Variants in KCNJ3 observed in about 807,000 individuals in gnomAD.
KCNJ3 encodes G protein-activated inward rectifier potassium channel 1.
KCNJ3 carries 4 observed loss-of-function variants against 39.2 expected under a neutral mutation model. The ratio of observed to expected loss-of-function variants is 0.10; its 90% confidence interval spans 0.05 to 0.23. The LOEUF is 0.23. KCNJ3 is among the 10% of genes least tolerant of loss of function. The probability of loss-of-function intolerance (pLI) is 1.00; values close to 1 mark genes in which losing one functional copy is unlikely to be tolerated. For synonymous variants in KCNJ3, 230 were observed against 237.4 expected, an observed-to-expected ratio of 0.97 and a Z score of 0.29; for missense variants, 276 against 634.9, an observed-to-expected ratio of 0.43 and a Z score of 6.08.
chr2:154,756,509 A>G (rs1210689410), intron 2 of KCNJ3, among the ~76,000 whole-genome samples: 2 of 151,854 alleles, frequency 1.3e-5, no homozygotes, highest in Non-Finnish European at 2.9e-5. Context: ...CCTTAATGCT[A>G]TCCCTCCCCT....
chr2:154,740,288 C>T (rs1685630053), intron 2 of KCNJ3, among the ~76,000 whole-genome samples: 1 of 151,898 alleles, frequency 6.6e-6, no homozygotes, highest in Non-Finnish European at 1.5e-5. Context: ...CCTGTTGTTG[C>T]CAGTAATTAA....
chr2:154,730,248 A>C (rs770436081), intron 2 of KCNJ3, among the ~76,000 whole-genome samples: 17 of 151,942 alleles, frequency 1.1e-4, no homozygotes, highest in Non-Finnish European at 2.2e-4. Flanking sequence ...CACCCCACTG[A>C]CTCCAACTGG....
intron 1 of KCNJ3, among the ~76,000 whole-genome samples, chr2:154,700,020 T>C (rs891054842): frequency 6.6e-6 from 1 of 152,214 alleles, no homozygotes; most frequent in South Asian, 2.1e-4. Context: ...ACTTTAACTC[T>C]ATGGTCATCT....
intron 2 of KCNJ3, among the ~76,000 whole-genome samples, chr2:154,768,720 G>C (rs867143036): frequency 6.6e-6 from 1 of 152,116 alleles, no homozygotes; most frequent in African/African-American, 2.4e-5. Context: ...CTAATTCTGT[G>C]AATTAAGGCA....
At chr2:154,742,632 G>A (rs1351576308) in intron 2 of KCNJ3, among the ~76,000 whole-genome samples, 1 of 151,788 alleles carries the variant, frequency 6.6e-6, no homozygotes, top group African/African-American at 2.4e-5. Flanking sequence ...GACTGATACT[G>A]AGCATCGTTT....
intron 2 of KCNJ3, among the ~76,000 whole-genome samples, chr2:154,796,978 C>CTT (rs945333227): frequency 1.3e-5 from 2 of 152,146 alleles, no homozygotes; most frequent in African/African-American, 4.8e-5. Flanking sequence ...GGCCAAGAGA[C>CTT]TTTAGCACAT....
Position 154,709,641 on chromosome 2 carries a change from C to A in KCNJ3, c.741C>A (p.Asp247Glu). The A allele has an allele frequency of 6.2e-7, 1 of 1,613,924 alleles. No homozygotes were observed. The highest frequency in any genetic ancestry group is 8.5e-7 in the Non-Finnish European group (1 of 1,179,866). Residue 247 changes from aspartate (D) to glutamate (E), a missense_variant, in exon 2 of 3, where the codon GAC (aspartate) becomes GAA (glutamate). Transcript: ENST00000295101. The part of the protein sequence containing the change: ...QTPEGEFLPL[D>E]QLELDVGFST... ...CTGAGGGTGAGTTCCTTCCCCTTGA[C>A]CAACTTGAACTGGATGTAGGTTTTA...
rs777396425 is a variant in KCNJ3, at chr2:154,856,685, C to CCTAGT, written c.*1376_*1380dup. Reference sequence around the variant, plus strand: ...ACTGATTTTATTGGTGTCTTAGATCCCTAGTCTACCCAAATAATTTTAACA... The same window carrying CCTAGT: ...ACTGATTTTATTGGTGTCTTAGATCCCTAGTCTAGTCTACCCAAATAATTTTAACA... On this transcript the variant is annotated 3_prime_UTR_variant, in exon 3 of 3. Transcript: ENST00000295101. 2.6e-4 allele frequency: 40 copies of CCTAGT among 152,094 alleles called. No homozygotes were observed. Among genetic ancestry groups the CCTAGT allele is most frequent in the South Asian group, 8.3e-4 (4 of 4,812 alleles). The allele number at this position is 152,094 out of a possible 1,614,324, so 9.4% of individuals were successfully genotyped here.
rs116676848 is a variant in KCNJ3, at chr2:154,838,657, G to A, written c.920-16070G>A. Among the ~76,000 whole-genome samples, 1,301 of 151,914 alleles carry A rather than the reference G, an allele frequency of 8.6e-3. 26 individuals carry two copies. Among genetic ancestry groups the A allele is most frequent in the African/African-American group, 0.03 (1,236 of 41,442 alleles). ...TAGAAAGACATGCTAGAAAATTTGG[G>A]GTTTATTTTTATTACCTATTTAAAT... On this transcript the variant is annotated intron_variant, in intron 2 of 2. Transcript: ENST00000295101.
At chr2:154,822,451 C>T (rs532639673) in intron 2 of KCNJ3, among the ~76,000 whole-genome samples, 104 of 152,248 alleles carry the variant, frequency 6.8e-4, no homozygotes, top group South Asian at 1.7e-3. Context: ...CTGTGGCAAA[C>T]ACTAGAATTG....
intron 2 of KCNJ3, among the ~76,000 whole-genome samples, chr2:154,736,645 T>C (rs1241849713): frequency 1.3e-5 from 2 of 152,236 alleles, no homozygotes; most frequent in African/African-American, 4.8e-5. Flanking sequence ...CAGACTCTTA[T>C]CTTTAAAAGT....
At chr2:154,719,127 C>T (rs1685227243) in intron 2 of KCNJ3, among the ~76,000 whole-genome samples, 1 of 152,104 alleles carries the variant, frequency 6.6e-6, no homozygotes, top group South Asian at 2.1e-4. Flanking sequence ...TGTGTGCCCT[C>T]ACCTAGATTT....
intron 2 of KCNJ3, among the ~76,000 whole-genome samples, chr2:154,769,766 A>T (rs190762985): frequency 6.6e-6 from 1 of 152,236 alleles, no homozygotes; most frequent in East Asian, 1.9e-4. Context: ...GAATGGTACC[A>T]GGTCCTCTTT....
At chr2:154,731,459 T>C (rs993376067) in intron 2 of KCNJ3, among the ~76,000 whole-genome samples, 1 of 152,010 alleles carries the variant, frequency 6.6e-6, no homozygotes, top group African/African-American at 2.4e-5. Flanking sequence ...ATAAGAGAAT[T>C]TATCTAGTTA....
At chr2:154,721,258 T>C (rs1330274238) in intron 2 of KCNJ3, among the ~76,000 whole-genome samples, 2 of 152,158 alleles carry the variant, frequency 1.3e-5, no homozygotes, top group Non-Finnish European at 2.9e-5. Context: ...TTTTCTAAAA[T>C]TGAGGGTAGG....
intron 2 of KCNJ3, among the ~76,000 whole-genome samples, chr2:154,797,345 T>A (rs894331712): frequency 6.6e-6 from 1 of 152,216 alleles, no homozygotes; most frequent in Admixed American, 6.5e-5. Context: ...TTTGATACTA[T>A]GATACATGCA....
chr2:154,745,368 G>A (rs746146027), intron 2 of KCNJ3, among the ~76,000 whole-genome samples: 6 of 151,770 alleles, frequency 4.0e-5, no homozygotes, highest in South Asian at 2.1e-4. Context: ...TTTCATTTCC[G>A]TTATATTTTA....
Position 154,785,336 on chromosome 2 carries a change from C to T in KCNJ3, c.920-69391C>T, listed in dbSNP as rs116377443. Among the ~76,000 whole-genome samples the T allele has an allele frequency of 5.5e-3, 836 of 152,256 alleles. 8 individuals carry two copies. Among genetic ancestry groups the T allele is most frequent in the African/African-American group, 0.019 (810 of 41,548 alleles). ...GTTTCTTCTGAGGACCCTCCTCCTGCCTTACAGATGGCCATCTTCTTGCCT... is the reference window on the plus strand; with the variant it reads ...GTTTCTTCTGAGGACCCTCCTCCTGTCTTACAGATGGCCATCTTCTTGCCT... On this transcript the variant is annotated intron_variant, in intron 2 of 2. Transcript: ENST00000295101.
intron 2 of KCNJ3, among the ~76,000 whole-genome samples, chr2:154,722,394 G>C (rs1685276628): frequency 1.3e-5 from 2 of 152,182 alleles, no homozygotes; most frequent in African/African-American, 2.4e-5. Context: ...GTTTAAGCTT[G>C]GGAAGAATGA....
Sources: allele counts gnomAD v4.1 joint callset (sites outside exome capture counted in the v4.1 genomes callset), GRCh38; gene constraint gnomAD v4.1.1; transcripts MANE v1.5; gene names NCBI Gene and HGNC (gene_info 2026-07-23, HGNC 2026-07-21).